Variants in LIMS2 observed in about 807,000 individuals in gnomAD.
LIMS2 encodes LIM zinc finger domain containing 2.
In LIMS2, 30 loss-of-function variants were observed where a neutral mutation model predicts 45.3. The ratio of observed to expected loss-of-function variants is 0.66; its 90% CI spans 0.50 to 0.90. The LOEUF (loss-of-function observed/expected upper bound fraction) is 0.90. Among genes scored for constraint, LIMS2 ranks in the 40% least tolerant of loss-of-function variants. The probability of loss-of-function intolerance (pLI) is 0.00; values close to 1 mark genes in which losing one functional copy is unlikely to be tolerated. For synonymous variants in LIMS2, 173 were observed against 188.0 expected (o/e 0.92, Z 0.65); for missense variants, 485 against 468.7 (o/e 1.03, Z -0.32).
rs557579250 is a variant in LIMS2, at chr2:127,671,568, GCTGA to G, written c.11+3442_11+3445del. On this transcript the variant is annotated intron_variant, in intron 1 of 9. Coordinates refer to ENST00000355119, the MANE Select transcript of LIMS2 (RefSeq NM_001161403.3). This position sits in a 1 kb window ranked among gnomAD's most constrained non-coding sequence, Gnocchi z 4.1. ...GGCTGTCCCTTGCCAGTTCACAAGT[GCTGA>G]CTGTTAACTATTCAGGAATTCCGTA... Among the ~76,000 whole-genome samples the G allele has an allele frequency of 1.3e-5, 2 of 152,338 alleles. No individual in the cohort carries two copies. The highest frequency in any genetic ancestry group is 2.9e-5 in the Non-Finnish European group (2 of 68,026).
At chr2:127,645,275 C>G (rs1188807992) in intron 4 of LIMS2, among the ~76,000 whole-genome samples, 2 of 152,350 alleles carry the variant, frequency 1.3e-5, no homozygotes, top group East Asian at 3.9e-4. Flanking sequence ...CCCTTAAATG[C>G]TAGCCACATA....
chr2:127,660,317 T>C (rs1037855523), intron 1 of LIMS2, among the ~76,000 whole-genome samples: 1 of 152,094 alleles, frequency 6.6e-6, no homozygotes, highest in African/African-American at 2.4e-5. Flanking sequence ...CAGCAACCAG[T>C]TGGGGTTCCT....
chr2:127,650,854 T>C (rs751108281), intron 4 of LIMS2: 1 of 1,614,162 alleles, frequency 6.2e-7, no homozygotes. Flanking sequence ...TTCTACCTTC[T>C]GGATTTTATC....
Position 127,650,838 on chromosome 2 carries a change from G to A in LIMS2, c.359+3586C>T, listed in dbSNP as rs547055934. 108 of 1,614,042 alleles carry A rather than the reference G, an allele frequency of 6.7e-5. No individual in the cohort carries two copies. The highest frequency in any genetic ancestry group is 4.9e-4 in the Middle Eastern group (3 of 6,062). The stretch of plus-strand genomic sequence containing the variant: ...GACGCCACTGGAGAACATGCTGTTC[G>A]CCTCCTTCTACCTTCTGGATTTTAT... On this transcript the variant is annotated intron_variant, in intron 4 of 9. Transcript: ENST00000355119.
intron 1 of LIMS2, among the ~76,000 whole-genome samples, chr2:127,670,457 G>T (rs181524705): frequency 2.9e-4 from 44 of 152,330 alleles, no homozygotes; most frequent in Admixed American, 1.3e-3. Flanking sequence ...GCAGGTTACT[G>T]GTGGCCAGGG....
upstream of LIMS2, among the ~76,000 whole-genome samples, chr2:127,676,189 A>T (rs571780737): frequency 6.6e-6 from 1 of 152,290 alleles, no homozygotes; most frequent in East Asian, 1.9e-4. Context: ...GAGGTTTGGG[A>T]GCTGGGCGGC....
At chr2:127,662,881 T>G (rs1558897193) in intron 1 of LIMS2, among the ~76,000 whole-genome samples, 1 of 152,226 alleles carries the variant, frequency 6.6e-6, no homozygotes, top group Non-Finnish European at 1.5e-5. Flanking sequence ...AGACTCCAAA[T>G]CAGTATGAAA....
At chr2:127,654,968 G>T in intron 2 of LIMS2, 72 bp from the exon 3 acceptor site, 7 of 1,417,672 alleles carry the variant, frequency 4.9e-6, no homozygotes, top group South Asian at 1.2e-5. Context: ...GCCCTTGTTG[G>T]GTCAGGACCT....
chr2:127,658,815 C>T (rs889205771), intron 1 of LIMS2, among the ~76,000 whole-genome samples: 1 of 152,162 alleles, frequency 6.6e-6, no homozygotes, highest in African/African-American at 2.4e-5. Context: ...CAGCTGGTAA[C>T]GTCTGCCTGG....
chr2:127,654,577 G>A (rs1449087294), intron 3 of LIMS2, 33 bp from the exon 4 acceptor site: 1 of 1,613,800 alleles, frequency 6.2e-7, no homozygotes, highest in African/African-American at 1.3e-5. Context: ...TGGCTGGGGA[G>A]CACGTGCCTG....
intron 1 of LIMS2, among the ~76,000 whole-genome samples, chr2:127,662,462 G>A (rs1684731587): frequency 6.6e-6 from 1 of 151,996 alleles, no homozygotes; most frequent in Admixed American, 6.6e-5. Context: ...CCAGAGGCCA[G>A]TGTCGGGTCA....
At chr2:127,678,681 G>GGT (rs1195700601), upstream of LIMS2, among the ~76,000 whole-genome samples, 1 of 152,090 alleles carries the variant, frequency 6.6e-6, no homozygotes, top group East Asian at 1.9e-4. The surrounding 1 kb of genome is among the most constrained non-coding windows in gnomAD (Gnocchi z 5.3). Context: ...TTGTGGGGCA[G>GGT]GTGTGTGTGT....
chr2:127,662,305 A>T (rs1417371873), intron 1 of LIMS2, among the ~76,000 whole-genome samples: 1 of 152,114 alleles, frequency 6.6e-6, no homozygotes, highest in Non-Finnish European at 1.5e-5. Flanking sequence ...CTTCCAACGA[A>T]GTCCTCACTG....
chr2:127,648,072 C>T (rs890464686), intron 4 of LIMS2: 12 of 985,606 alleles, frequency 1.2e-5, no homozygotes, highest in African/African-American at 7.0e-5. Flanking sequence ...CCGCCCTCAC[C>T]GTGGTTTTAG....
At chr2:127,651,446 C>A in intron 4 of LIMS2, 5 of 1,612,900 alleles carry the variant, frequency 3.1e-6, no homozygotes, top group Non-Finnish European at 4.2e-6. Flanking sequence ...TGCGCATGAT[C>A]GCCATAGTGC....
chr2:127,643,574 T>A, intron 4 of LIMS2: 1 of 456,670 alleles, frequency 2.2e-6, no homozygotes. Flanking sequence ...CAAGCACTGC[T>A]ATGTCAGATG....
chr2:127,664,647 TC>T lies in LIMS2; in HGVS notation c.12-7086del. 9.3e-7 allele frequency: 1 copy of T among 1,078,464 alleles called. No homozygotes were observed. Among genetic ancestry groups the T allele is most frequent in the South Asian group, 4.6e-5 (1 of 21,978 alleles). 66.8% of individuals were successfully genotyped at this position (1,078,464 alleles called of 1,614,324 possible). A position where few individuals can be genotyped will look rare whatever the true frequency, so the allele number is the denominator to read the frequency against. ...AAAGCTGAGGCTGGCGGGGGTTGGG[TC>T]CCGCTGGGAGGGGACTGGTCTGGGA... On this transcript the variant is annotated intron_variant, in intron 1 of 9. Transcript: ENST00000355119. The surrounding 1 kb of genome is among the most constrained non-coding windows in gnomAD (Gnocchi z 5.5).
intron 1 of LIMS2, 90 bp from the exon 2 acceptor site, chr2:127,657,652 C>T (rs1398549202): frequency 1.3e-5 from 17 of 1,353,340 alleles, no homozygotes; most frequent in South Asian, 2.8e-5. Context: ...AGACACACCT[C>T]GTATTAAAAA....
intron 4 of LIMS2, chr2:127,650,196 C>T (rs1820971): frequency 0.24 from 206,218 of 855,690 alleles, 26,990 homozygotes; most frequent in South Asian, 0.4. Context: ...GGTGACACCC[C>T]GGCCACTGCA....
Sources: gnomAD v4.1 joint callset for allele counts (sites outside exome capture counted in the v4.1 genomes callset) on GRCh38, gnomAD v4.1.1 for gene constraint, Gnocchi (gnomAD v3.1) non-coding constraint, MANE v1.5 for transcripts, NCBI Gene and HGNC (gene_info 2026-07-23, HGNC 2026-07-21) for gene names.